Variants in MST1 observed in about 807,000 individuals in gnomAD.
MST1 encodes the protein macrophage stimulating 1.
A neutral mutation model predicts 100.1 loss-of-function variants in MST1; 76 were observed. That is an observed-to-expected ratio of 0.76 (90% CI 0.63 to 0.92). MST1 has a LOEUF of 0.92. MST1 is among the 40% of genes least tolerant of loss of function. The probability of loss-of-function intolerance (pLI) is 0.00; values close to 1 mark genes in which losing one functional copy is unlikely to be tolerated. For missense variants in MST1, 850 were observed against 990.0 expected (o/e 0.86, Z 1.90); for synonymous variants, 352 against 385.4 (o/e 0.91, Z 1.01).
chr3:49,684,563 C>T lies in MST1; in HGVS notation c.1863G>A (p.Trp621Ter), dbSNP rs746025494. 11 of 1,613,782 alleles carry T rather than the reference C, an allele frequency of 6.8e-6. 1 individual carries two copies. Among genetic ancestry groups the T allele is most frequent in the Non-Finnish European group, 7.6e-6 (9 of 1,179,858 alleles). Residue 621 changes from tryptophan (W) to a stop codon, truncating the protein, a stop_gained, in exon 16 of 18, where the codon TGG becomes TGA. Coordinates refer to ENST00000449682, the MANE Select transcript of MST1 (RefSeq NM_020998.4). LOFTEE classifies it high-confidence loss of function. The part of the protein sequence containing the change: ...PPGTKCEIAG[W>*]GETKGTGNDT... The stretch of plus-strand genomic sequence containing the variant: ...CTGTGCTCTTACCTTTGGTCTCACC[C>T]CAGCCTGCAATCTCACACTTGGTCC...
Position 49,686,303 on chromosome 3 carries a change from C to CG in MST1, c.1016+9_1016+10insC, listed in dbSNP as rs2053750881. On this transcript the variant is annotated intron_variant, in intron 8 of 17. Transcript: ENST00000449682. ...CACGTCCCAACGCCCGCCCCCCCCC[C>CG]CCACCTCACTTGCACGCGTATTTTT... 2 of 1,463,056 alleles carry CG rather than the reference C, an allele frequency of 1.4e-6. No individual in the cohort carries two copies. Among genetic ancestry groups the CG allele is most frequent in the Admixed American group, 1.9e-5 (1 of 52,098 alleles). The allele number at this position is 1,463,056 out of a possible 1,614,324, so 90.6% of individuals were successfully genotyped here. A position where few individuals can be genotyped will look rare whatever the true frequency, so the allele number is the denominator to read the frequency against.
chr3:49,686,768 G>C lies in MST1; in HGVS notation c.763C>G (p.Arg255Gly). 2 of 1,610,808 alleles carry C rather than the reference G, an allele frequency of 1.2e-6. No individual in the cohort carries two copies. Among genetic ancestry groups the C allele is most frequent in the Non-Finnish European group, 1.7e-6 (2 of 1,179,284 alleles). ...LDQGLDDNYC[R>G]NPDGSERPWC... The stretch of plus-strand genomic sequence containing the variant: ...GGCCGCTCGGAGCCGTCAGGATTCC[G>C]GCAATAGTTGTCGTCCAGACCTTGG... Residue 255 changes from arginine (R) to glycine (G), a missense_variant, in exon 7 of 18, where the codon CGG becomes GGG. Coordinates refer to ENST00000449682, the MANE Select transcript of MST1 (RefSeq NM_020998.4).
chr3:49,687,681 A>C lies in MST1; in HGVS notation c.243-13T>G, dbSNP rs765599754. The C allele has an allele frequency of 1.4e-5, 22 of 1,613,328 alleles. No individual in the cohort carries two copies. Among genetic ancestry groups the C allele is most frequent in the Non-Finnish European group, 1.8e-5 (21 of 1,179,872 alleles). On this transcript the variant is annotated splice_polypyrimidine_tract_variant and intron_variant, in intron 2 of 17. Transcript: ENST00000449682. The stretch of plus-strand genomic sequence containing the variant: ...GTAGTGGAAGGCCCTGGAGAGAAGA[A>C]GGCACAGGGTAACGCCACAGCCCAG...
chr3:49,685,806 G>C (rs1218184102), intron 10 of MST1, 54 bp downstream of exon 10: 2 of 1,612,566 alleles, frequency 1.2e-6, no homozygotes, highest in African/African-American at 2.7e-5. Context: ...AGACACCAAA[G>C]CATGCCGCCC....
chr3:49,686,310 C>T lies in MST1; in HGVS notation c.1016+3G>A. ...CAACGCCCGCCCCCCCCCCCCACCT[C>T]ACTTGCACGCGTATTTTTCTGGCGT... On this transcript the variant is annotated splice_donor_region_variant and intron_variant, in intron 8 of 17. Coordinates refer to ENST00000449682, the MANE Select transcript of MST1 (RefSeq NM_020998.4). The T allele has an allele frequency of 3.3e-6, 5 of 1,532,440 alleles. No homozygotes were observed. Among genetic ancestry groups the T allele is most frequent in the Non-Finnish European group, 4.4e-6 (5 of 1,126,382 alleles). The allele number at this position is 1,532,440 out of a possible 1,614,324, so 94.9% of individuals were successfully genotyped here. A position where few individuals can be genotyped will look rare whatever the true frequency, so the allele number is the denominator to read the frequency against.
At position 49,688,981 on chromosome 3, in the gene MST1, C is replaced by T. The variant is rs1186409301; in HGVS notation, c.-290G>A. The T allele has an allele frequency of 6.3e-6, 2 of 315,662 alleles. No homozygotes were observed. Among genetic ancestry groups the T allele is most frequent in the Non-Finnish European group, 5.9e-6 (1 of 168,924 alleles). 19.6% of individuals were successfully genotyped at this position (315,662 alleles called of 1,614,324 possible). A position where few individuals can be genotyped will look rare whatever the true frequency, so the allele number is the denominator to read the frequency against. ...GCTGCCAGAGGTCTGGGCTCCAGCCCCTGGGTGACATTAAACTTTTCTGAA... is the reference window on the plus strand; with the variant it reads ...GCTGCCAGAGGTCTGGGCTCCAGCCTCTGGGTGACATTAAACTTTTCTGAA... On this transcript the variant is annotated 5_prime_UTR_variant, in exon 1 of 18. Coordinates refer to ENST00000449682, the MANE Select transcript of MST1 (RefSeq NM_020998.4).
In MST1 at chr3:49,686,426, C is replaced by A. The variant is rs375422702; in HGVS notation, c.903G>T (p.Lys301Asn). The part of the protein sequence containing the change: ...EATTVSCFRG[K>N]GEGYRGTANT... ...TGGCTGTGCCCCGGTAGCCCTCACC[C>A]TTCCCGCGGAAGCAGCTGACAGTTG... Residue 301 changes from lysine (K) to asparagine (N), a missense_variant, in exon 8 of 18, where the codon AAG (lysine) becomes AAT (asparagine). By Grantham distance (94) the Lys-to-Asn change is moderately conservative (BLOSUM62 0). Transcript: ENST00000449682. 1.7e-5 allele frequency: 28 copies of A among 1,612,660 alleles called. No homozygotes were observed. In the African/African-American group the frequency reaches 3.6e-4, roughly 21 times the overall value.
intron 1 of MST1, 137 bp from the exon 2 acceptor site, chr3:49,688,034 GGCCAGTCTA>G: frequency 7.6e-7 from 1 of 1,314,084 alleles, no homozygotes; most frequent in Non-Finnish European, 1.0e-6. Context: ...CACTTTCAAG[GGCCAGTCTA>G]GCCCCCTGCA....
At chr3:49,687,098 T>C in intron 5 of MST1, 31 bp from the exon 6 acceptor site, 1 of 1,612,740 alleles carries the variant, frequency 6.2e-7, no homozygotes, top group Non-Finnish European at 8.5e-7. Context: ...GGTTCGTGGA[T>C]GGACGTGGGC....
At position 49,685,716 on chromosome 3, in the gene MST1, C is replaced by T. The variant is rs780890872; in HGVS notation, c.1267G>A (p.Glu423Lys). ...PHKPQFTFTS[E>K]PHAQLEENFC... is the part of the protein sequence containing the mutation. ...TTCTCCTCCAGTTGTGCATGCGGTT[C>T]GGAGGTAAACGTGAACCTAGGCGGA... Residue 423 changes from glutamate to lysine, a missense_variant, in exon 11 of 18, where the codon GAA (glutamate) becomes AAA (lysine). Physicochemically the swap from Glu to Lys is moderately conservative, Grantham distance 56. Transcript: ENST00000449682. The T allele has an allele frequency of 1.2e-6, 2 of 1,613,074 alleles. No individual in the cohort carries two copies. Among genetic ancestry groups the T allele is most frequent in the African/African-American group, 1.3e-5 (1 of 74,876 alleles).
Position 49,684,000 on chromosome 3 carries a change from C to A in MST1, c.*28G>T. ...ATGTCTGACAAGAAGTTTTGTCCTC[C>A]CCAAGGCATATGGCATCAAGGCTGG... On this transcript the variant is annotated 3_prime_UTR_variant, in exon 18 of 18. Coordinates refer to ENST00000449682, the MANE Select transcript of MST1 (RefSeq NM_020998.4). 3.7e-6 allele frequency: 6 copies of A among 1,607,784 alleles called. No individual in the cohort carries two copies. The Admixed American group carries it at 8.4e-5, about 22-fold the overall frequency.
At chr3:49,684,978 T>C (rs771087532) in intron 14 of MST1, 34 bp downstream of exon 14, 1 of 1,612,866 alleles carries the variant, frequency 6.2e-7, no homozygotes, top group Non-Finnish European at 8.5e-7. Flanking sequence ...GAAGGTGGGA[T>C]GAGACTGGGT....
intron 11 of MST1, 28 bp downstream of exon 11, chr3:49,685,568 T>A: frequency 1.9e-6 from 3 of 1,613,034 alleles, no homozygotes; most frequent in Non-Finnish European, 2.5e-6. Flanking sequence ...TGAGGCAGGG[T>A]CATGGGGGAA....
In MST1 at chr3:49,686,721, C is replaced by T. The variant is rs1468609819; in HGVS notation, c.810G>A (p.Pro270=). Residue 270 remains proline (P), a synonymous_variant, in exon 7 of 18, where the codon CCG becomes CCA. Coordinates refer to ENST00000449682, the MANE Select transcript of MST1 (RefSeq NM_020998.4). The part of the protein sequence containing the change: ...SERPWCYTTD[P]QIEREFCDLP... ...GGTCACAGAACTCTCGCTCGATCTG[C>T]GGATCCGTAGTGTAGCACCATGGCC... 1.6e-5 allele frequency: 25 copies of T among 1,592,978 alleles called. No homozygotes were observed. Among genetic ancestry groups the T allele is most frequent in the East Asian group, 2.3e-5 (1 of 43,992 alleles).
At position 49,688,856 on chromosome 3, in the gene MST1, C is replaced by G. The variant is rs2054029273; in HGVS notation, c.-165G>C. 3.6e-6 allele frequency: 2 copies of G among 550,246 alleles called. No individual in the cohort carries two copies. The highest frequency in any genetic ancestry group is 6.6e-6 in the Non-Finnish European group (2 of 304,890). 34.1% of individuals were successfully genotyped at this position (550,246 alleles called of 1,614,324 possible). ...CAAGGGCCTAGTACAGCTTAGTGGA[C>G]AGGTGTTAGGAAGGTTTGGTGGGGA... is the stretch of plus-strand genomic sequence containing the variant. On this transcript the variant is annotated 5_prime_UTR_variant, in exon 1 of 18. Transcript: ENST00000449682.
chr3:49,685,131 A>G (rs1292317664), intron 13 of MST1, 42 bp from the exon 14 acceptor site: 1 of 1,600,764 alleles, frequency 6.2e-7, no homozygotes, highest in Non-Finnish European at 8.5e-7. Flanking sequence ...GACTCCTGGG[A>G]CAGATGCTAG....
rs762643982 is a variant in MST1, at chr3:49,686,718, C to T, written c.813G>A (p.Gln271=). ...ERPWCYTTDP[Q]IEREFCDLPR... Reference sequence around the variant, plus strand: ...GGAGGTCACAGAACTCTCGCTCGATCTGCGGATCCGTAGTGTAGCACCATG... The same window carrying T: ...GGAGGTCACAGAACTCTCGCTCGATTTGCGGATCCGTAGTGTAGCACCATG... Residue 271 remains glutamine, a synonymous_variant, in exon 7 of 18, where the codon CAG becomes CAA. Transcript: ENST00000449682. 28 of 1,591,510 alleles carry T rather than the reference C, an allele frequency of 1.8e-5. No homozygotes were observed. Among genetic ancestry groups the T allele is most frequent in the Non-Finnish European group, 2.2e-5 (26 of 1,170,072 alleles).
At chr3:49,686,607 C>T (rs1575500346) in intron 7 of MST1, 77 bp downstream of exon 7, 30 of 1,551,504 alleles carry the variant, frequency 1.9e-5, no homozygotes, top group Non-Finnish European at 1.4e-5. Context: ...CGCCCAGCCC[C>T]TCTTACCTCC....
intron 12 of MST1, 42 bp from the exon 13 acceptor site, chr3:49,685,424 A>C (rs1392735448): frequency 1.1e-5 from 18 of 1,613,670 alleles, no homozygotes; most frequent in Non-Finnish European, 1.2e-5. Flanking sequence ...GACTGTGTGG[A>C]TGTCGTGGGC....
Sources: gnomAD v4.1 joint callset for allele counts on GRCh38, gnomAD v4.1.1 for gene constraint, MANE v1.5 for transcripts, NCBI Gene and HGNC (gene_info 2026-07-23, HGNC 2026-07-21) for gene names.